The following AGPAT4 variants were observed in gnomAD, a reference collection of about 807,000 sequenced individuals.
AGPAT4 encodes the protein 1-acyl-sn-glycerol-3-phosphate acyltransferase delta.
A neutral mutation model predicts 48.0 loss-of-function variants in AGPAT4; 15 were observed. The ratio of observed to expected loss-of-function variants is 0.31; its 90% confidence interval spans 0.21 to 0.48. The LOEUF is 0.48. AGPAT4 is among the 20% of genes least tolerant of loss of function. The probability of loss-of-function intolerance (pLI) is 0.99; values close to 1 mark genes in which losing one functional copy is unlikely to be tolerated. For missense variants in AGPAT4, 314 were observed against 482.5 expected (o/e 0.65, Z 3.27); for synonymous variants, 178 against 198.7 (o/e 0.90, Z 0.88).
intron 2 of AGPAT4, among the ~76,000 whole-genome samples, chr6:161,179,326 A>T (rs939585921): frequency 9.8e-5 from 15 of 152,356 alleles, no homozygotes; most frequent in African/African-American, 3.6e-4. Flanking sequence ...AGACACTAAA[A>T]GCCATGATTA....
At position 161,137,621 on chromosome 6, in the gene AGPAT4, C is replaced by T. The variant is rs375023748; in HGVS notation, c.1043-987G>A. ...AGAAAGAAGTGAGTAAAACGTGGAC[C>T]GTGTGGCCTTGGAAGAGGAGTAAAG... On this transcript the variant is annotated intron_variant, in intron 8 of 8. Coordinates refer to ENST00000320285, the MANE Select transcript of AGPAT4 (RefSeq NM_020133.3). This position sits in a 1 kb window ranked among gnomAD's most constrained non-coding sequence, Gnocchi z 6.1. 2.7e-5 allele frequency among the ~76,000 whole-genome samples: 4 copies of T among 150,410 alleles called. No homozygotes were observed. The highest frequency in any genetic ancestry group is 1.9e-4 in the East Asian group (1 of 5,182).
At chr6:161,210,989 T>C (rs1299456097) in intron 2 of AGPAT4, among the ~76,000 whole-genome samples, 1 of 152,202 alleles carries the variant, frequency 6.6e-6, no homozygotes, top group Admixed American at 6.5e-5. Context: ...AACTAAACTA[T>C]AAACTAAGTT....
At position 161,217,603 on chromosome 6, in the gene AGPAT4, T is replaced by C. The variant is rs1781685113; in HGVS notation, c.178+14433A>G. Among the ~76,000 whole-genome samples, 1 of 152,248 alleles carries C rather than the reference T, an allele frequency of 6.6e-6. No individual in the cohort carries two copies. Among genetic ancestry groups the C allele is most frequent in the South Asian group, 2.1e-4 (1 of 4,834 alleles). ...AGCTCTAGTTGGAGACATAGGTATATATAATCTGTTCCTTTCCATTTAAAG... is the reference window on the plus strand; with the variant it reads ...AGCTCTAGTTGGAGACATAGGTATACATAATCTGTTCCTTTCCATTTAAAG... On this transcript the variant is annotated intron_variant, in intron 2 of 8. Transcript: ENST00000320285. This position sits in a 1 kb window ranked among gnomAD's most constrained non-coding sequence, Gnocchi z 4.9.
intron 2 of AGPAT4, among the ~76,000 whole-genome samples, chr6:161,174,800 T>A (rs948589881): frequency 6.6e-6 from 1 of 152,208 alleles, no homozygotes; most frequent in Non-Finnish European, 1.5e-5. Flanking sequence ...AAATAGCTCT[T>A]ATGATTTTGA....
rs930361132 is a variant in AGPAT4 at position 161,226,283 on chromosome 6, T to C, written c.178+5753A>G. Among the ~76,000 whole-genome samples the C allele has an allele frequency of 2.6e-5, 4 of 152,036 alleles. No homozygotes were observed. The highest frequency in any genetic ancestry group is 9.7e-5 in the African/African-American group (4 of 41,392). ...CTACCTATCAGGACAAGTGAAGGAG[T>C]CAAAACCTGTTTGGAACTCAAAGAG... On this transcript the variant is annotated intron_variant, in intron 2 of 8. Coordinates refer to ENST00000320285, the MANE Select transcript of AGPAT4 (RefSeq NM_020133.3). This position sits in a 1 kb window ranked among gnomAD's most constrained non-coding sequence, Gnocchi z 6.3.
chr6:161,209,341 G>T (rs1562339180), intron 2 of AGPAT4, among the ~76,000 whole-genome samples: 1 of 152,180 alleles, frequency 6.6e-6, no homozygotes, highest in Non-Finnish European at 1.5e-5. Flanking sequence ...CCATGGAGCT[G>T]GATAAAAGGG....
intron 1 of AGPAT4, among the ~76,000 whole-genome samples, chr6:161,250,751 T>C (rs181085045): frequency 4.6e-5 from 7 of 152,318 alleles, no homozygotes; most frequent in South Asian, 4.1e-4. Context: ...TAGCAATATA[T>C]ATAAATACCC....
chr6:161,230,334 CACTGCAA>C (rs763321347), intron 2 of AGPAT4, among the ~76,000 whole-genome samples: 1 of 152,162 alleles, frequency 6.6e-6, no homozygotes, highest in Non-Finnish European at 1.5e-5. Flanking sequence ...CAGGATTTCA[CACTGCAA>C]ACTAACAGAT....
chr6:161,271,316 G>C (rs1400611552), intron 1 of AGPAT4, among the ~76,000 whole-genome samples: 1 of 152,116 alleles, frequency 6.6e-6, no homozygotes, highest in African/African-American at 2.4e-5. Flanking sequence ...TCAGCAGCAG[G>C]ATGAAGACTC....
chr6:161,202,065 A>C lies in AGPAT4; in HGVS notation c.178+29971T>G, dbSNP rs1196802153. ...TGGACAAGGTGGCTCTCATATATAC[A>C]CCCAATACACACTCCTGCATGCCTA... On this transcript the variant is annotated intron_variant, in intron 2 of 8. Coordinates refer to ENST00000320285, the MANE Select transcript of AGPAT4 (RefSeq NM_020133.3). This position sits in a 1 kb window ranked among gnomAD's most constrained non-coding sequence, Gnocchi z 5.4. 6.6e-6 allele frequency among the ~76,000 whole-genome samples: 1 copy of C among 152,026 alleles called. No individual in the cohort carries two copies. The highest frequency in any genetic ancestry group is 1.5e-5 in the Non-Finnish European group (1 of 68,000).
Position 161,204,543 on chromosome 6 carries a change from A to G in AGPAT4, c.178+27493T>C, listed in dbSNP as rs552484306. On this transcript the variant is annotated intron_variant, in intron 2 of 8. Transcript: ENST00000320285. The surrounding 1 kb of genome is among the most constrained non-coding windows in gnomAD (Gnocchi z 4.4). ...ATTTATCCTTCAGCTGAAGACAATTATCTAGAAACAGCACTGGATTCTTAT... is the reference window on the plus strand; with the variant it reads ...ATTTATCCTTCAGCTGAAGACAATTGTCTAGAAACAGCACTGGATTCTTAT... 6.6e-5 allele frequency among the ~76,000 whole-genome samples: 10 copies of G among 152,326 alleles called. No individual in the cohort carries two copies. In the East Asian group the frequency reaches 1.7e-3, roughly 26 times the overall value.
chr6:161,237,495 CAT>C (rs1158896509), intron 1 of AGPAT4, among the ~76,000 whole-genome samples: 1 of 152,162 alleles, frequency 6.6e-6, no homozygotes, highest in African/African-American at 2.4e-5. Context: ...GGGTTAAATA[CAT>C]AGGGGATGTT....
rs1474018672 is a variant in AGPAT4, at chr6:161,140,226, AG to A, written c.844-607del. Among the ~76,000 whole-genome samples the A allele has an allele frequency of 6.6e-6, 1 of 152,188 alleles. No individual in the cohort carries two copies. The highest frequency in any genetic ancestry group is 1.5e-5 in the Non-Finnish European group (1 of 68,022). On this transcript the variant is annotated intron_variant, in intron 7 of 8. Transcript: ENST00000320285. This position sits in a 1 kb window ranked among gnomAD's most constrained non-coding sequence, Gnocchi z 6.5. ...GGCATCATGAATGACAAAGGGCTGG[AG>A]GGCTGCTGGGTGTGGCTCTCAGAGG...
intron 1 of AGPAT4, among the ~76,000 whole-genome samples, chr6:161,268,869 A>G (rs1286635714): frequency 6.6e-6 from 1 of 152,204 alleles, no homozygotes; most frequent in Admixed American, 6.5e-5. Flanking sequence ...AAACACAGAG[A>G]AAGTGCTGCA....
At chr6:161,250,749 T>C (rs144438852) in intron 1 of AGPAT4, among the ~76,000 whole-genome samples, 86 of 152,306 alleles carry the variant, frequency 5.6e-4, no homozygotes, top group African/African-American at 1.9e-3. Flanking sequence ...ACTAGCAATA[T>C]ATATAAATAC....
At position 161,146,698 on chromosome 6, in the gene AGPAT4, C is replaced by T; in HGVS notation, c.768-99G>A. 9.3e-7 allele frequency: 1 copy of T among 1,073,808 alleles called. No homozygotes were observed. The highest frequency in any genetic ancestry group is 1.9e-5 in the Admixed American group (1 of 52,006). The allele number at this position is 1,073,808 out of a possible 1,614,324, so 66.5% of individuals were successfully genotyped here. A position where few individuals can be genotyped will look rare whatever the true frequency, so the allele number is the denominator to read the frequency against. ...TGCCGTTTTTTGTTTTTATCTGGGT[C>T]ACCTAAATAATGTGGAACTGAAGAG... On this transcript the variant is annotated intron_variant, in intron 6 of 8. Coordinates refer to ENST00000320285, the MANE Select transcript of AGPAT4 (RefSeq NM_020133.3). This position sits in a 1 kb window ranked among gnomAD's most constrained non-coding sequence, Gnocchi z 7.1.
In AGPAT4 at chr6:161,232,362, A is replaced by G; in HGVS notation, c.-89-60T>C. The G allele has an allele frequency of 1.3e-6, 1 of 758,012 alleles. No homozygotes were observed. The highest frequency in any genetic ancestry group is 2.1e-6 in the Non-Finnish European group (1 of 485,940). The allele number at this position is 758,012 out of a possible 1,614,324, so 47.0% of individuals were successfully genotyped here. On this transcript the variant is annotated intron_variant, in intron 1 of 8. Coordinates refer to ENST00000320285, the MANE Select transcript of AGPAT4 (RefSeq NM_020133.3). The surrounding 1 kb of genome is among the most constrained non-coding windows in gnomAD (Gnocchi z 6.8). ...ACACGATGTGCTTTTAGAGTCAGAA[A>G]AAAAGTGCTCTGAAAAGAAAAATAT...
rs528669796 is a variant in AGPAT4 at position 161,139,338 on chromosome 6, A to C, written c.1042+84T>G. The C allele has an allele frequency of 4.8e-6, 7 of 1,464,362 alleles. No homozygotes were observed. Among genetic ancestry groups the C allele is most frequent in the Non-Finnish European group, 5.6e-6 (6 of 1,063,190 alleles). The allele number at this position is 1,464,362 out of a possible 1,614,324, so 90.7% of individuals were successfully genotyped here. A position where few individuals can be genotyped will look rare whatever the true frequency, so the allele number is the denominator to read the frequency against. On this transcript the variant is annotated intron_variant, in intron 8 of 8. Transcript: ENST00000320285. The surrounding 1 kb of genome is among the most constrained non-coding windows in gnomAD (Gnocchi z 9.1). ...CCTCATCCACGGCACAACTGCCTAT[A>C]CAGATGGCCTTCGTCCCAGCCCTGA...
Position 161,161,858 on chromosome 6 carries a change from C to T in AGPAT4, c.348+4390G>A, listed in dbSNP as rs556508691. On this transcript the variant is annotated intron_variant, in intron 3 of 8. Coordinates refer to ENST00000320285, the MANE Select transcript of AGPAT4 (RefSeq NM_020133.3). The surrounding 1 kb of genome is among the most constrained non-coding windows in gnomAD (Gnocchi z 4.6). ...CTTCGTTTAAAGAGGCAGCACAGGG[C>T]TTTATGGGCGCCCTCACGCACAGGC... is the stretch of plus-strand genomic sequence containing the variant. 4 of 262,956 alleles carry T rather than the reference C, an allele frequency of 1.5e-5. No individual in the cohort carries two copies. Among genetic ancestry groups the T allele is most frequent in the Non-Finnish European group, 2.3e-5 (3 of 132,456 alleles). The allele number at this position is 262,956 out of a possible 1,614,324, so 16.3% of individuals were successfully genotyped here.
Sources: allele counts gnomAD v4.1 joint callset (sites outside exome capture counted in the v4.1 genomes callset), GRCh38; gene constraint gnomAD v4.1.1; non-coding constraint Gnocchi (gnomAD v3.1); transcripts MANE v1.5; gene names NCBI Gene and HGNC (gene_info 2026-07-23, HGNC 2026-07-21).